Variants in JADE1 observed in about 807,000 individuals in gnomAD.
JADE1 encodes the protein jade family PHD finger 1.
JADE1 carries 14 observed loss-of-function variants against 81.8 expected under a neutral mutation model. The ratio of observed to expected loss-of-function variants is 0.17; its 90% CI spans 0.11 to 0.27. The LOEUF (loss-of-function observed/expected upper bound fraction) is 0.27. JADE1 is among the 10% of genes least tolerant of loss of function. The probability of loss-of-function intolerance (pLI) is 1.00; values close to 1 mark genes in which losing one functional copy is unlikely to be tolerated. For missense variants in JADE1, 690 were observed against 1,047.9 expected (o/e 0.66, Z 4.71); for synonymous variants, 353 against 391.9 (o/e 0.90, Z 1.17).
intron 4 of JADE1, among the ~76,000 whole-genome samples, chr4:128,847,933 A>T (rs1311925458): frequency 6.6e-6 from 1 of 152,178 alleles, no homozygotes; most frequent in Non-Finnish European, 1.5e-5. Flanking sequence ...GTGATTAGGA[A>T]GATGGCCTTT....
intron 2 of JADE1, among the ~76,000 whole-genome samples, chr4:128,837,753 C>T (rs1560745567): frequency 6.6e-6 from 1 of 152,176 alleles, no homozygotes; most frequent in Non-Finnish European, 1.5e-5. Flanking sequence ...AAGCATCTTA[C>T]TTTGTTAAGC....
At chr4:128,838,719 A>C (rs897886247) in intron 2 of JADE1, among the ~76,000 whole-genome samples, 6 of 152,164 alleles carry the variant, frequency 3.9e-5, no homozygotes, top group Non-Finnish European at 8.8e-5. Flanking sequence ...AGTGTTTATA[A>C]ATTTTGTTTT....
At chr4:128,841,734 T>G (rs760149904) in intron 2 of JADE1, among the ~76,000 whole-genome samples, 10 of 152,102 alleles carry the variant, frequency 6.6e-5, no homozygotes, top group Non-Finnish European at 1.3e-4. Flanking sequence ...GGTAAGACTG[T>G]GGACATGGGT....
In JADE1 at chr4:128,866,225, A is replaced by G. The variant is rs567587781; in HGVS notation, c.1504-1631A>G. 1.4e-3 allele frequency among the ~76,000 whole-genome samples: 216 copies of G among 152,376 alleles called. 1 individual carries two copies. The highest frequency in any genetic ancestry group is 4.9e-3 in the African/African-American group (205 of 41,588). On this transcript the variant is annotated intron_variant, in intron 9 of 10. Coordinates refer to ENST00000226319, the MANE Select transcript of JADE1 (RefSeq NM_199320.4). The stretch of plus-strand genomic sequence containing the variant: ...ACCTTAACTAGGCTGATTGACATCC[A>G]TGTAATATTTACTATGAGACAGGGA...
chr4:128,829,141 GA>G (rs1728322067), intron 1 of JADE1, among the ~76,000 whole-genome samples: 1 of 152,172 alleles, frequency 6.6e-6, no homozygotes, highest in Non-Finnish European at 1.5e-5. Flanking sequence ...ACAGGGCAGA[GA>G]AAACAGTTGA....
chr4:128,844,024 CCTTA>C (rs1729666259), intron 3 of JADE1, among the ~76,000 whole-genome samples: 1 of 152,176 alleles, frequency 6.6e-6, no homozygotes, highest in Non-Finnish European at 1.5e-5. Context: ...CACTTCTTCC[CCTTA>C]CTTTATTTCA....
intron 1 of JADE1, among the ~76,000 whole-genome samples, chr4:128,831,275 A>G (rs1222777087): frequency 1.3e-5 from 2 of 152,160 alleles, no homozygotes; most frequent in Admixed American, 6.5e-5. Context: ...CCTGAGAAGC[A>G]TAATCATGCC....
chr4:128,820,544 G>C (rs1247245253), intron 1 of JADE1, among the ~76,000 whole-genome samples: 1 of 152,120 alleles, frequency 6.6e-6, no homozygotes, highest in Non-Finnish European at 1.5e-5. Context: ...GACCAACTTA[G>C]GTTTCCATGA....
chr4:128,824,884 T>G (rs1327308638), intron 1 of JADE1, among the ~76,000 whole-genome samples: 2 of 152,310 alleles, frequency 1.3e-5, no homozygotes, highest in East Asian at 3.9e-4. Context: ...TAATCCTTAT[T>G]ATAGCTATAG....
chr4:128,861,588 G>A, intron 8 of JADE1, 116 bp from the exon 9 acceptor site: 1 of 1,174,488 alleles, frequency 8.5e-7, no homozygotes, highest in Non-Finnish European at 1.2e-6. Context: ...CATGGCACAT[G>A]CTTGAAGCAT....
rs772057766 is a variant in JADE1, at chr4:128,846,350, A to G, written c.139-25A>G. The G allele has an allele frequency of 4.2e-5, 68 of 1,610,952 alleles. No individual in the cohort carries two copies. The highest frequency in any genetic ancestry group is 5.6e-5 in the Non-Finnish European group (66 of 1,177,648). On this transcript the variant is annotated intron_variant, in intron 3 of 10. Coordinates refer to ENST00000226319, the MANE Select transcript of JADE1 (RefSeq NM_199320.4). The surrounding 1 kb of genome is among the most constrained non-coding windows in gnomAD (Gnocchi z 4.0). ...AATAAGAATGCAAATATCAAATGTC[A>G]GTGTCCCTTTCTCTTCCTTTCCAGG...
Position 128,857,318 on chromosome 4 carries a change from T to C in JADE1, c.865-20T>C. 6.3e-7 allele frequency: 1 copy of C among 1,595,910 alleles called. No individual in the cohort carries two copies. Among genetic ancestry groups the C allele is most frequent in the Admixed American group, 1.7e-5 (1 of 59,892 alleles). On this transcript the variant is annotated intron_variant, in intron 7 of 10. Transcript: ENST00000226319. The stretch of plus-strand genomic sequence containing the variant: ...TTTGACGACCTGAGCCACCCTGTCT[T>C]GCTGTTTTCCGACCTTTAGGTGAGC...
chr4:128,823,524 A>C (rs1168415967), intron 1 of JADE1, among the ~76,000 whole-genome samples: 1 of 152,122 alleles, frequency 6.6e-6, no homozygotes, highest in Non-Finnish European at 1.5e-5. Flanking sequence ...GGAGGTGGCT[A>C]TTGCTAATGT....
chr4:128,829,342 C>T (rs1728337471), intron 1 of JADE1, among the ~76,000 whole-genome samples: 1 of 152,146 alleles, frequency 6.6e-6, no homozygotes, highest in Non-Finnish European at 1.5e-5. Context: ...CATAATATAG[C>T]TCATGACCCA....
rs138946246 is a variant in JADE1 at position 128,829,641 on chromosome 4, A to G, written c.-26-2092A>G. On this transcript the variant is annotated intron_variant, in intron 1 of 10. Transcript: ENST00000226319. The stretch of plus-strand genomic sequence containing the variant: ...GAAAAGGCAAACTTCACTGATGTTG[A>G]TATTTTTATGTGCCAGATGTGGGTA... Among the ~76,000 whole-genome samples the G allele has an allele frequency of 9.8e-4, 149 of 152,294 alleles. No homozygotes were observed. In the East Asian group the frequency reaches 0.013, roughly 13 times the overall value.
intron 9 of JADE1, chr4:128,863,034 A>G: frequency 3.0e-6 from 3 of 985,434 alleles, no homozygotes; most frequent in Non-Finnish European, 3.6e-6. Flanking sequence ...AGCACGCTAC[A>G]GATGTGTTGT....
intron 9 of JADE1, among the ~76,000 whole-genome samples, chr4:128,867,397 C>T (rs1259256963): frequency 2.0e-5 from 3 of 152,222 alleles, no homozygotes; most frequent in Admixed American, 6.5e-5. Context: ...AGTTCAGCCT[C>T]AGAAGATAGT....
At chr4:128,858,672 G>A (rs971776598) in intron 8 of JADE1, among the ~76,000 whole-genome samples, 3 of 150,074 alleles carry the variant, frequency 2.0e-5, no homozygotes, top group African/African-American at 7.4e-5. Context: ...GCATCATCTC[G>A]GCTCACTGCA....
intron 3 of JADE1, among the ~76,000 whole-genome samples, chr4:128,845,845 A>G (rs190587390): frequency 6.3e-4 from 96 of 151,612 alleles, no homozygotes; most frequent in African/African-American, 2.1e-3. Context: ...GATAGCTTGA[A>G]CCTGGGAGGC....
Sources: allele counts gnomAD v4.1 joint callset (sites outside exome capture counted in the v4.1 genomes callset), GRCh38; gene constraint gnomAD v4.1.1; non-coding constraint Gnocchi (gnomAD v3.1); transcripts MANE v1.5; gene names NCBI Gene and HGNC (gene_info 2026-07-23, HGNC 2026-07-21).